PCBP3: variants seen among roughly 807,000 people sequenced by gnomAD.
PCBP3 encodes the protein poly(rC)-binding protein 3.
Under a neutral mutation model 52.7 loss-of-function variants are expected in PCBP3, and 25 were observed. The ratio of observed to expected loss-of-function variants is 0.47; its 90% CI spans 0.35 to 0.66. The LOEUF (loss-of-function observed/expected upper bound fraction) is 0.66. Ranked by LOEUF, PCBP3 falls within the 30% of genes least tolerant of loss-of-function variation. The pLI is 0.01. For missense variants in PCBP3, 391 were observed against 490.3 expected (o/e 0.80, Z 1.91); for synonymous variants, 162 against 183.0 (o/e 0.89, Z 0.93).
intron 2 of PCBP3, among the ~76,000 whole-genome samples, chr21:45,690,400 G>A (rs1249000314): frequency 7.9e-5 from 12 of 152,070 alleles, no homozygotes. Context: ...CTTGGGGCTT[G>A]CTAGATTCTT....
chr21:45,913,243 A>C lies in PCBP3; in HGVS notation c.601-708A>C, dbSNP rs557811177. 6.6e-4 allele frequency among the ~76,000 whole-genome samples: 101 copies of C among 152,370 alleles called. 1 individual carries two copies. Among genetic ancestry groups the C allele is most frequent in the African/African-American group, 2.2e-3 (91 of 41,596 alleles). On this transcript the variant is annotated intron_variant, in intron 11 of 17. Transcript: ENST00000681687. ...CAGAATACCCAAGGGAAATTAAGGC[A>C]AACCTCATCGTAACTATGGGATTTT...
chr21:45,716,215 A>G (rs145883943), intron 2 of PCBP3, among the ~76,000 whole-genome samples: 191 of 152,262 alleles, frequency 1.3e-3, no homozygotes, highest in African/African-American at 4.0e-3. Flanking sequence ...CACTGGGACA[A>G]TTATTAAAAT....
At chr21:45,764,974 C>T (rs1047103080) in intron 4 of PCBP3, among the ~76,000 whole-genome samples, 8 of 152,194 alleles carry the variant, frequency 5.3e-5, no homozygotes, top group Admixed American at 2.6e-4. Context: ...GTCGAGGCCC[C>T]GGGTGGGCCA....
intron 4 of PCBP3, among the ~76,000 whole-genome samples, chr21:45,779,048 T>G (rs2090454254): frequency 1.3e-5 from 2 of 152,212 alleles, no homozygotes; most frequent in Admixed American, 1.3e-4. Flanking sequence ...TATCCTCAGC[T>G]GTGGGAGCAC....
chr21:45,768,554 G>A (rs993747522), intron 4 of PCBP3, among the ~76,000 whole-genome samples: 9 of 152,160 alleles, frequency 5.9e-5, no homozygotes, highest in African/African-American at 1.9e-4. Context: ...TAGCTTCCTG[G>A]TAATTCAACT....
intron 4 of PCBP3, among the ~76,000 whole-genome samples, chr21:45,819,614 G>T (rs1252517921): frequency 2.0e-5 from 3 of 152,250 alleles, no homozygotes; most frequent in African/African-American, 7.2e-5. Flanking sequence ...ACGCAGCCCT[G>T]AAGTCCTTGA....
chr21:45,749,804 C>A (rs1003141906), intron 3 of PCBP3: 10 of 152,358 alleles, frequency 6.6e-5, no homozygotes, highest in African/African-American at 1.4e-4. Context: ...CTTACAAAAC[C>A]CGTCTAGATG....
At chr21:45,925,734 A>G (rs2075317755) in intron 13 of PCBP3, among the ~76,000 whole-genome samples, 1 of 152,246 alleles carries the variant, frequency 6.6e-6, no homozygotes, top group South Asian at 2.1e-4. Flanking sequence ...AACTTTACTC[A>G]TTACATGTTG....
At chr21:45,814,942 ATGAGTGGTGAG>A (rs1461298750) in intron 4 of PCBP3, among the ~76,000 whole-genome samples, 4 of 106,066 alleles carry the variant, frequency 3.8e-5, no homozygotes, top group Non-Finnish European at 7.6e-5. Flanking sequence ...GTAGTGAGTG[ATGAGTGGTGAG>A]TGAGTGGTGA....
In PCBP3 at chr21:45,800,928, G is replaced by C. The variant is rs1341119548; in HGVS notation, c.-126+45476G>C. ...AGCCCTGCATCCTCCCAGGAGATGG[G>C]GTGCCTGAGCATGGGGTTCCCGCCT... On this transcript the variant is annotated intron_variant, in intron 4 of 17. Transcript: ENST00000681687. This position sits in a 1 kb window ranked among gnomAD's most constrained non-coding sequence, Gnocchi z 5.3. Among the ~76,000 whole-genome samples, 1 of 152,156 alleles carries C rather than the reference G, an allele frequency of 6.6e-6. No homozygotes were observed. The highest frequency in any genetic ancestry group is 1.5e-5 in the Non-Finnish European group (1 of 68,022).
At chr21:45,893,787 C>T (rs988040847) in intron 5 of PCBP3, 47 of 985,444 alleles carry the variant, frequency 4.8e-5, no homozygotes, top group South Asian at 9.4e-5. Context: ...TGGGGAGGGG[C>T]GGGCAAGCCT....
intron 4 of PCBP3, among the ~76,000 whole-genome samples, chr21:45,764,402 G>A (rs2089077783): frequency 6.6e-6 from 1 of 152,234 alleles, no homozygotes; most frequent in African/African-American, 2.4e-5. Context: ...GATTACAGGC[G>A]TGAGCCACCG....
chr21:45,861,859 C>T (rs2094522638), intron 5 of PCBP3, among the ~76,000 whole-genome samples: 1 of 152,192 alleles, frequency 6.6e-6, no homozygotes, highest in African/African-American at 2.4e-5. Flanking sequence ...GCTGCTAGAA[C>T]AAGATACCCA....
In PCBP3 at chr21:45,909,361, A is replaced by T; in HGVS notation, c.346A>T (p.Ile116Phe). 1 of 1,612,408 alleles carries T rather than the reference A, an allele frequency of 6.2e-7. No homozygotes were observed. Among genetic ancestry groups the T allele is most frequent in the South Asian group, 1.1e-5 (1 of 91,062 alleles). ...MIAYKFEEDI[I>F]NSMSNSPATS... Reference sequence around the variant, plus strand: ...ACACGTGTCTCTCCCCTAGGATATCATCAACTCCATGAGCAACAGCCCTGC... The same window carrying T: ...ACACGTGTCTCTCCCCTAGGATATCTTCAACTCCATGAGCAACAGCCCTGC... Residue 116 changes from isoleucine (I) to phenylalanine (F), a missense_variant, in exon 10 of 18, where the codon ATC (isoleucine) becomes TTC (phenylalanine). Physicochemically the swap from Ile to Phe is conservative, Grantham distance 21. Coordinates refer to ENST00000681687, the MANE Select transcript of PCBP3 (RefSeq NM_001384156.1).
intron 5 of PCBP3, among the ~76,000 whole-genome samples, chr21:45,889,110 T>C (rs2148894824): frequency 6.6e-6 from 1 of 152,288 alleles, no homozygotes; most frequent in East Asian, 1.9e-4. Context: ...ACTGGAGCTG[T>C]GTTGATGCCC....
At chr21:45,692,821 A>G (rs1214725770) in intron 2 of PCBP3, among the ~76,000 whole-genome samples, 1 of 152,176 alleles carries the variant, frequency 6.6e-6, no homozygotes, top group Non-Finnish European at 1.5e-5. Flanking sequence ...AGATGAAGAT[A>G]TTACAAGAAA....
Position 45,901,122 on chromosome 21 carries a change from C to T in PCBP3, c.339+9C>T, listed in dbSNP as rs992599041. 3 of 1,567,370 alleles carry T rather than the reference C, an allele frequency of 1.9e-6. No homozygotes were observed. The highest frequency in any genetic ancestry group is 2.6e-6 in the Non-Finnish European group (3 of 1,138,106). On this transcript the variant is annotated intron_variant, in intron 9 of 17. Transcript: ENST00000681687. ...CATACAAGTTTGAGGAGGTAACCTG[C>T]ACCCCAGGCACCTCTGCCAGCCTGG...
At chr21:45,892,120 G>A (rs2095679633) in intron 5 of PCBP3, among the ~76,000 whole-genome samples, 1 of 152,220 alleles carries the variant, frequency 6.6e-6, no homozygotes, top group African/African-American at 2.4e-5. Context: ...CCCTCGGGCA[G>A]GCAGAGGCGG....
At chr21:45,909,964 C>CCACACACACTTCCCAGATACGGACCCCCA (rs2096323551) in intron 10 of PCBP3, among the ~76,000 whole-genome samples, 1 of 85,772 alleles carries the variant, frequency 1.2e-5, no homozygotes, top group Non-Finnish European at 2.4e-5. Context: ...ACGGACCCCC[C>CCACACACACTTCCCAGATACGGACCCCCA]CACACACACT....
Sources: allele counts gnomAD v4.1 joint callset (sites outside exome capture counted in the v4.1 genomes callset), GRCh38; gene constraint gnomAD v4.1.1; non-coding constraint Gnocchi (gnomAD v3.1); transcripts MANE v1.5; gene names NCBI Gene and HGNC (gene_info 2026-07-23, HGNC 2026-07-21).